Variants in RARB observed in about 807,000 individuals in gnomAD.
RARB encodes retinoic acid receptor beta.
RARB carries 17 observed loss-of-function variants against 51.9 expected under a neutral mutation model. That is an observed-to-expected ratio of 0.33 (90% CI 0.22 to 0.49). The LOEUF (loss-of-function observed/expected upper bound fraction) is 0.49, where lower values mean the gene tolerates loss of function less well. Ranked by LOEUF, RARB falls within the 20% of genes least tolerant of loss-of-function variation. The pLI is 0.99. For missense variants in RARB, 369 were observed against 550.8 expected, an observed-to-expected ratio of 0.67 and a Z score of 3.30; for synonymous variants, 215 against 195.4, an observed-to-expected ratio of 1.10 and a Z score of -0.84.
intron 2 of RARB, among the ~76,000 whole-genome samples, chr3:25,461,625 T>G (rs1276736968): frequency 6.6e-6 from 1 of 152,222 alleles, no homozygotes; most frequent in Non-Finnish European, 1.5e-5. Context: ...CCAGGTGTGA[T>G]GGCTCACGCC....
chr3:24,929,517 G>A (rs370441766), intron 2 of RARB, among the ~76,000 whole-genome samples: 1 of 152,156 alleles, frequency 6.6e-6, no homozygotes, highest in African/African-American at 2.4e-5. Context: ...ACCTAAAAAT[G>A]TTTTTAAGCA....
intron 2 of RARB, among the ~76,000 whole-genome samples, chr3:25,057,396 C>T (rs573292164): frequency 1.3e-4 from 20 of 152,074 alleles, no homozygotes; most frequent in African/African-American, 4.8e-4. Context: ...GCCGTTTTTC[C>T]ACACTTAAAA....
At chr3:25,327,211 T>C (rs1396405269) in intron 5 of RARB, among the ~76,000 whole-genome samples, 1 of 152,006 alleles carries the variant, frequency 6.6e-6, no homozygotes, top group Non-Finnish European at 1.5e-5. Flanking sequence ...AGAAAACGAA[T>C]GGGAAGAAAT....
intron 3 of RARB, among the ~76,000 whole-genome samples, chr3:25,101,800 C>T (rs1306590809): frequency 3.9e-5 from 6 of 151,996 alleles, no homozygotes; most frequent in African/African-American, 1.5e-4. Context: ...CATACATTCC[C>T]ACCAAGAGTG....
At chr3:25,083,238 A>C (rs976557257) in intron 3 of RARB, among the ~76,000 whole-genome samples, 12 of 151,976 alleles carry the variant, frequency 7.9e-5, no homozygotes, top group African/African-American at 2.7e-4. Context: ...TTTTTGCTCA[A>C]ATATTTCTTC....
At chr3:25,184,525 C>T (rs548858648) in intron 5 of RARB, among the ~76,000 whole-genome samples, 16 of 151,962 alleles carry the variant, frequency 1.1e-4, no homozygotes, top group Admixed American at 9.2e-4. Context: ...TCTAGGGGAG[C>T]GGGGAGATGC....
chr3:25,338,043 A>G (rs1309913812), intron 5 of RARB, among the ~76,000 whole-genome samples: 2 of 150,628 alleles, frequency 1.3e-5, no homozygotes, highest in African/African-American at 4.9e-5. Context: ...TCACAATAAA[A>G]TCACCGTTAT....
At chr3:25,129,494 A>G (rs1699911747) in intron 3 of RARB, among the ~76,000 whole-genome samples, 1 of 152,118 alleles carries the variant, frequency 6.6e-6, no homozygotes, top group South Asian at 2.1e-4. Flanking sequence ...AAGTTGAAAT[A>G]GATTCAATAG....
intron 2 of RARB, among the ~76,000 whole-genome samples, chr3:24,963,904 A>G (rs919757299): frequency 2.2e-4 from 33 of 152,274 alleles, no homozygotes; most frequent in African/African-American, 7.7e-4. Flanking sequence ...AAAAAACTTT[A>G]CCTTCCCTTT....
At chr3:24,920,424 C>T (rs73137222) in intron 2 of RARB, among the ~76,000 whole-genome samples, 5,031 of 152,222 alleles carry the variant, frequency 0.033, 252 homozygotes, top group African/African-American at 0.11. Context: ...AAATGGTAGT[C>T]TTTCCCATAC....
intron 1 of RARB, among the ~76,000 whole-genome samples, chr3:25,443,310 A>T (rs1280111647): frequency 2.0e-5 from 3 of 152,110 alleles, no homozygotes; most frequent in African/African-American, 7.2e-5. Context: ...ATGAGAGTGG[A>T]ATATTTCCCT....
intron 5 of RARB, among the ~76,000 whole-genome samples, chr3:25,260,329 T>G (rs1159289298): frequency 1.3e-5 from 2 of 152,142 alleles, no homozygotes; most frequent in Non-Finnish European, 2.9e-5. Flanking sequence ...ATGTTCTGTT[T>G]TAAGCCAATA....
intron 5 of RARB, among the ~76,000 whole-genome samples, chr3:25,237,833 A>C (rs1702339145): frequency 6.6e-6 from 1 of 152,142 alleles, no homozygotes; most frequent in South Asian, 2.1e-4. Flanking sequence ...TATTTTGGAT[A>C]CCTCATATAT....
chr3:25,202,837 G>A (rs1222209424), intron 5 of RARB, among the ~76,000 whole-genome samples: 2 of 152,184 alleles, frequency 1.3e-5, no homozygotes, highest in African/African-American at 4.8e-5. Context: ...CTTTTGCTGA[G>A]GAGTGCTTTC....
intron 2 of RARB, among the ~76,000 whole-genome samples, chr3:24,937,172 A>G (rs1030123509): frequency 2.0e-5 from 3 of 152,188 alleles, no homozygotes; most frequent in Non-Finnish European, 4.4e-5. Context: ...ATTACATGGA[A>G]ACAAAAATTA....
chr3:25,194,448 G>C (rs1701181381), intron 5 of RARB, among the ~76,000 whole-genome samples: 1 of 150,698 alleles, frequency 6.6e-6, no homozygotes, highest in Non-Finnish European at 1.5e-5. Context: ...CTTGACAGTA[G>C]TAATCAAATA....
intron 4 of RARB, among the ~76,000 whole-genome samples, chr3:25,134,428 T>A (rs1457503733): frequency 2.6e-5 from 4 of 151,910 alleles, no homozygotes. Context: ...TATTTTCTTT[T>A]AAGTAAACCT....
At chr3:25,172,182 G>A (rs183986040) in intron 4 of RARB, among the ~76,000 whole-genome samples, 1 of 152,182 alleles carries the variant, frequency 6.6e-6, no homozygotes, top group Non-Finnish European at 1.5e-5. Context: ...TCAAGGCCCT[G>A]GGGCAGATGT....
chr3:25,453,011 A>C (rs562576774), intron 1 of RARB, among the ~76,000 whole-genome samples: 1 of 152,212 alleles, frequency 6.6e-6, no homozygotes, highest in Non-Finnish European at 1.5e-5. Context: ...ATCTTAATGC[A>C]TTAAGTACTT....
Sources: allele counts gnomAD v4.1 joint callset (sites outside exome capture counted in the v4.1 genomes callset), GRCh38; gene constraint gnomAD v4.1.1; transcripts MANE v1.5; gene names NCBI Gene and HGNC (gene_info 2026-07-23, HGNC 2026-07-21).